OC90: variants seen among roughly 807,000 people sequenced by gnomAD.
OC90 encodes the protein otoconin 90, also known as otoconin-90.
A neutral mutation model predicts 47.3 loss-of-function variants in OC90; 46 were observed. The observed-to-expected ratio is 0.97, with a 90% CI of 0.77 to 1.24. The LOEUF (loss-of-function observed/expected upper bound fraction) is 1.24. Ranked by LOEUF, OC90 falls within the 50% of genes most tolerant of loss-of-function variation. OC90 has a pLI of 0.00. For synonymous variants in OC90, 271 were observed against 219.5 expected (o/e 1.23, Z -2.07); for missense variants, 688 against 583.9 (o/e 1.18, Z -1.84).
chr8:132,051,355 C>T (rs1563734804), intron 2 of OC90, among the ~76,000 whole-genome samples: 1 of 152,238 alleles, frequency 6.6e-6, no homozygotes, highest in Non-Finnish European at 1.5e-5. Context: ...CCAATTCCTG[C>T]CTTCTCTTTA....
intron 1 of OC90, among the ~76,000 whole-genome samples, chr8:132,058,327 CCTT>C (rs1229504266): frequency 2.6e-5 from 4 of 152,170 alleles, no homozygotes; most frequent in Admixed American, 2.0e-4. Context: ...GGAAAGACCT[CCTT>C]CTCCTAATTT....
chr8:132,030,002 C>T (rs1822851348), intron 12 of OC90, among the ~76,000 whole-genome samples: 1 of 152,190 alleles, frequency 6.6e-6, no homozygotes, highest in African/African-American at 2.4e-5. Flanking sequence ...CTCTTCTCAA[C>T]CAATTATCTG....
chr8:132,042,043 C>CA (rs1823061658), intron 4 of OC90, among the ~76,000 whole-genome samples: 1 of 151,964 alleles, frequency 6.6e-6, no homozygotes, highest in Admixed American at 6.6e-5. Flanking sequence ...CAGATTTGGC[C>CA]AAAAAACCTT....
intron 2 of OC90, among the ~76,000 whole-genome samples, chr8:132,047,692 C>T (rs1823152109): frequency 6.8e-6 from 1 of 147,468 alleles, no homozygotes; most frequent in African/African-American, 2.7e-5. Flanking sequence ...TTAAAGGAAA[C>T]TTTTATTTGT....
intron 8 of OC90, among the ~76,000 whole-genome samples, chr8:132,037,729 A>G (rs531748209): frequency 1.3e-5 from 2 of 152,340 alleles, no homozygotes; most frequent in East Asian, 3.9e-4. Flanking sequence ...AGCTGGGTTC[A>G]GGTTCAGATC....
chr8:132,054,944 C>T (rs576004048), intron 2 of OC90, 37 bp downstream of exon 2: 19 of 1,484,986 alleles, frequency 1.3e-5, no homozygotes, highest in Non-Finnish European at 1.6e-5. Context: ...TAATTACATG[C>T]TAAGCTGGAA....
intron 13 of OC90, among the ~76,000 whole-genome samples, chr8:132,026,496 C>T (rs184638132): frequency 6.6e-6 from 1 of 152,312 alleles, no homozygotes; most frequent in African/African-American, 2.4e-5. Context: ...TGCAGAGGTC[C>T]TGTTCCCCAG....
rs879218673 is a variant in OC90, at chr8:132,045,965, C to T, written c.47-82G>A. ...TGGACTAAGGCCAGAAGGCGACAGC[C>T]AGACAAACAATGGGAATTCACATAA... On this transcript the variant is annotated intron_variant, in intron 2 of 13. Coordinates refer to ENST00000254627, the MANE Select transcript of OC90 (RefSeq NM_001080399.3). 3.0e-5 allele frequency: 23 copies of T among 766,716 alleles called. 1 individual carries two copies. In the South Asian group the frequency reaches 3.5e-4, roughly 12 times the overall value. The allele number at this position is 766,716 out of a possible 1,614,324, so 47.5% of individuals were successfully genotyped here.
At chr8:132,028,721 A>G (rs1465985688) in intron 13 of OC90, among the ~76,000 whole-genome samples, 2 of 147,396 alleles carry the variant, frequency 1.4e-5, no homozygotes, top group African/African-American at 2.5e-5. Flanking sequence ...AGAAAGAAAG[A>G]AAGAGAAAGA....
chr8:132,052,994 G>A (rs775929176), intron 2 of OC90, among the ~76,000 whole-genome samples: 71 of 152,156 alleles, frequency 4.7e-4, no homozygotes, highest in Non-Finnish European at 1.0e-4. Context: ...ATGCTCCGGA[G>A]ATACTGAAAA....
At chr8:132,032,624 T>C (rs1401344284) in intron 11 of OC90, among the ~76,000 whole-genome samples, 1 of 152,254 alleles carries the variant, frequency 6.6e-6, no homozygotes, top group Non-Finnish European at 1.5e-5. Flanking sequence ...CTCCTCTGTA[T>C]GCCCAACAGG....
At chr8:132,034,011 C>T (rs149164129) in intron 10 of OC90, among the ~76,000 whole-genome samples, 1 of 152,326 alleles carries the variant, frequency 6.6e-6, no homozygotes, top group African/African-American at 2.4e-5. Flanking sequence ...AACTCCATTT[C>T]CTATGAGACT....
intron 13 of OC90, among the ~76,000 whole-genome samples, chr8:132,028,855 G>GAGGAAGGA (rs750349507): frequency 1.5e-5 from 2 of 134,116 alleles, no homozygotes; most frequent in Admixed American, 8.1e-5. Context: ...AAGAAGGAAA[G>GAGGAAGGA]AGGAAGGAAG....
chr8:132,045,158 G>A (rs1402719347), intron 3 of OC90, among the ~76,000 whole-genome samples: 1 of 152,222 alleles, frequency 6.6e-6, no homozygotes, highest in African/African-American at 2.4e-5. Context: ...TCCTCTAGAA[G>A]TTATGCCATT....
chr8:132,051,815 G>A (rs1423414291), intron 2 of OC90, among the ~76,000 whole-genome samples: 1 of 152,150 alleles, frequency 6.6e-6, no homozygotes, highest in Non-Finnish European at 1.5e-5. Context: ...GAGAACCAGA[G>A]AGACCCAAGT....
chr8:132,027,085 A>AT (rs1348201086), intron 13 of OC90, among the ~76,000 whole-genome samples: 1 of 151,902 alleles, frequency 6.6e-6, no homozygotes, highest in African/African-American at 2.4e-5. Flanking sequence ...CCTCTCTTGA[A>AT]TTTTTCCCAA....
intron 2 of OC90, among the ~76,000 whole-genome samples, chr8:132,048,974 G>T (rs572550334): frequency 1.3e-4 from 20 of 151,696 alleles, no homozygotes; most frequent in South Asian, 6.2e-4. Context: ...ACCTGCTAAA[G>T]GTGTCTGTGT....
chr8:132,051,634 T>C (rs1013708411), intron 2 of OC90, among the ~76,000 whole-genome samples: 2 of 152,206 alleles, frequency 1.3e-5, no homozygotes, highest in African/African-American at 4.8e-5. Flanking sequence ...ACATGAAATC[T>C]TACCAAGAGA....
chr8:132,048,727 G>GT (rs1823170917), intron 2 of OC90, among the ~76,000 whole-genome samples: 1 of 151,544 alleles, frequency 6.6e-6, no homozygotes, highest in Admixed American at 6.6e-5. Flanking sequence ...ACTCCCCCCT[G>GT]TTTTACAGGT....
Sources: gnomAD v4.1 joint callset for allele counts (sites outside exome capture counted in the v4.1 genomes callset) on GRCh38, gnomAD v4.1.1 for gene constraint, MANE v1.5 for transcripts, NCBI Gene and HGNC (gene_info 2026-07-23, HGNC 2026-07-21) for gene names.